Variants in MAP1B observed in about 807,000 individuals in gnomAD.
MAP1B encodes microtubule-associated protein 1B.
In MAP1B, 12 loss-of-function variants were observed where a neutral mutation model predicts 176.1. That is an observed-to-expected ratio of 0.07 (90% CI 0.04 to 0.11). The LOEUF is 0.11. MAP1B is among the 10% of genes least tolerant of loss of function. The pLI is 1.00. For missense variants in MAP1B, 2,523 were observed against 2,990.5 expected (o/e 0.84, Z 3.65); for synonymous variants, 1,044 against 1,135.0 (o/e 0.92, Z 1.61).
chr5:72,185,538 G>A (rs1263140726), intron 3 of MAP1B, among the ~76,000 whole-genome samples: 5 of 151,148 alleles, frequency 3.3e-5, no homozygotes, highest in Non-Finnish European at 5.9e-5. Flanking sequence ...AGGTTGCAGT[G>A]AGCCGAGATG....
chr5:72,113,085 C>T (rs1745372864), intron 1 of MAP1B, among the ~76,000 whole-genome samples: 2 of 152,184 alleles, frequency 1.3e-5, no homozygotes, highest in African/African-American at 4.8e-5. Context: ...CATAAACCTA[C>T]TAAATGCAAT....
At chr5:72,147,601 G>C (rs1746069911) in intron 2 of MAP1B, among the ~76,000 whole-genome samples, 1 of 152,200 alleles carries the variant, frequency 6.6e-6, no homozygotes, top group African/African-American at 2.4e-5. Context: ...AGGCCTGCGA[G>C]GACACGCCCC....
intron 2 of MAP1B, among the ~76,000 whole-genome samples, chr5:72,181,613 A>G (rs1746767487): frequency 6.6e-6 from 1 of 152,126 alleles, no homozygotes; most frequent in East Asian, 1.9e-4. Context: ...GCTAGGGTGC[A>G]ATGACATGTT....
At chr5:72,203,838 A>C in intron 6 of MAP1B, 37 bp downstream of exon 6, 1 of 1,587,584 alleles carries the variant, frequency 6.3e-7, no homozygotes, top group African/African-American at 1.3e-5. Flanking sequence ...CTGCCGATTG[A>C]GCTGTGTCCA....
At position 72,197,556 on chromosome 5, in the gene MAP1B, C is replaced by T. The variant is rs763424974; in HGVS notation, c.4201C>T (p.Pro1401Ser). ...IEKVLSPLRS[P>S]PLIGSESAYE... The stretch of plus-strand genomic sequence containing the variant: ...AAAAGTTTTGTCTCCTTTACGCAGC[C>T]CGCCCCTCATTGGATCCGAGTCTGC... Residue 1401 changes from proline (P) to serine (S), a missense_variant, in exon 5 of 7, where the codon CCG becomes TCG. Pro to Ser is a moderately conservative substitution (Grantham distance 74). Coordinates refer to ENST00000296755, the MANE Select transcript of MAP1B (RefSeq NM_005909.5). 5 of 1,614,070 alleles carry T rather than the reference C, an allele frequency of 3.1e-6. No individual in the cohort carries two copies. The highest frequency in any genetic ancestry group is 4.2e-6 in the Non-Finnish European group (5 of 1,180,050).
At chr5:72,192,628 G>A (rs1747048563) in intron 4 of MAP1B, among the ~76,000 whole-genome samples, 1 of 152,198 alleles carries the variant, frequency 6.6e-6, no homozygotes, top group Non-Finnish European at 1.5e-5. Flanking sequence ...TCTAATACTA[G>A]AAGGTAAGAG....
intron 2 of MAP1B, among the ~76,000 whole-genome samples, chr5:72,158,132 C>T (rs893016859): frequency 5.9e-5 from 9 of 151,982 alleles, no homozygotes; most frequent in Middle Eastern, 3.4e-3. Flanking sequence ...CCTCAGCCTC[C>T]CGAGTAGCTG....
At chr5:72,129,539 AGAGT>A (rs1365523815) in intron 2 of MAP1B, among the ~76,000 whole-genome samples, 1 of 151,988 alleles carries the variant, frequency 6.6e-6, no homozygotes, top group Non-Finnish European at 1.5e-5. Flanking sequence ...CCTAGCTGAC[AGAGT>A]GAGACTCCGT....
intron 2 of MAP1B, among the ~76,000 whole-genome samples, chr5:72,178,177 G>A (rs1325346683): frequency 2.0e-5 from 3 of 151,882 alleles, no homozygotes; most frequent in Non-Finnish European, 4.4e-5. Context: ...TAATTTTTGT[G>A]TTTTTAGTAG....
At chr5:72,180,197 C>T (rs542488299) in intron 2 of MAP1B, among the ~76,000 whole-genome samples, 2 of 152,284 alleles carry the variant, frequency 1.3e-5, no homozygotes, top group South Asian at 4.1e-4. Context: ...GTGGAGGGAG[C>T]CACTTTATGT....
At chr5:72,163,985 G>A (rs1369804353) in intron 2 of MAP1B, among the ~76,000 whole-genome samples, 4 of 118,766 alleles carry the variant, frequency 3.4e-5, no homozygotes, top group Non-Finnish European at 6.5e-5. Context: ...CCAGACTGGA[G>A]TACAGTGGCA....
chr5:72,128,248 A>T (rs779051227), intron 2 of MAP1B, among the ~76,000 whole-genome samples: 6 of 152,182 alleles, frequency 3.9e-5, no homozygotes, highest in Non-Finnish European at 8.8e-5. Flanking sequence ...GGGTGTGCGG[A>T]TTAGTAGCGA....
chr5:72,156,459 A>G (rs959472828), intron 2 of MAP1B, among the ~76,000 whole-genome samples: 2 of 152,368 alleles, frequency 1.3e-5, no homozygotes, highest in African/African-American at 2.4e-5. Context: ...ATGAAATAGC[A>G]TGGCCACAAA....
At chr5:72,202,071 T>C (rs1258946715) in intron 5 of MAP1B, among the ~76,000 whole-genome samples, 1 of 152,226 alleles carries the variant, frequency 6.6e-6, no homozygotes, top group Non-Finnish European at 1.5e-5. Context: ...AAAGGCAAAG[T>C]AATAAGTGAA....
intron 2 of MAP1B, 106 bp downstream of exon 2, chr5:72,115,905 A>ATACTTT (rs1745427138): frequency 2.7e-6 from 2 of 749,950 alleles, no homozygotes; most frequent in Admixed American, 4.1e-5. Flanking sequence ...TGCTAAAAGG[A>ATACTTT]TACTTTGTAT....
chr5:72,150,233 G>A (rs1746117450), intron 2 of MAP1B, among the ~76,000 whole-genome samples: 1 of 152,192 alleles, frequency 6.6e-6, no homozygotes, highest in Admixed American at 6.5e-5. Context: ...TATTAGATAT[G>A]AATTACTGAC....
At chr5:72,193,745 C>A in intron 4 of MAP1B, 121 bp from the exon 5 acceptor site, 1 of 1,107,740 alleles carries the variant, frequency 9.0e-7, no homozygotes, top group Non-Finnish European at 1.3e-6. Flanking sequence ...GAGTGCATGT[C>A]TGAAACTGGT....
At chr5:72,190,613 C>A (rs1372357358) in intron 4 of MAP1B, among the ~76,000 whole-genome samples, 1 of 152,216 alleles carries the variant, frequency 6.6e-6, no homozygotes, top group Non-Finnish European at 1.5e-5. Context: ...ATACCATGCA[C>A]AAATATGATA....
intron 2 of MAP1B, among the ~76,000 whole-genome samples, chr5:72,160,782 A>C (rs905575418): frequency 5.3e-5 from 8 of 152,160 alleles, no homozygotes; most frequent in Non-Finnish European, 1.2e-4. Flanking sequence ...CAGAATCCTC[A>C]TTGTGATTTG....
Sources: gnomAD v4.1 joint callset for allele counts (sites outside exome capture counted in the v4.1 genomes callset) on GRCh38, gnomAD v4.1.1 for gene constraint, MANE v1.5 for transcripts, NCBI Gene and HGNC (gene_info 2026-07-23, HGNC 2026-07-21) for gene names.